Variants in MICAL3 observed in about 807,000 individuals in gnomAD.
MICAL3 encodes the protein microtubule associated monooxygenase, calponin and LIM domain containing 3.
In MICAL3, 62 loss-of-function variants were observed where a neutral mutation model predicts 207.4. The observed-to-expected ratio is 0.30, with a 90% CI of 0.24 to 0.37. The LOEUF (loss-of-function observed/expected upper bound fraction) is 0.37, where lower values mean the gene tolerates loss of function less well. Among genes scored for constraint, MICAL3 ranks in the 10% least tolerant of loss-of-function variants. The pLI, the probability that MICAL3 is intolerant of heterozygous loss-of-function variation, is 1.00. For synonymous variants in MICAL3, 1,077 were observed against 1,069.3 expected (o/e 1.01, Z -0.14); for missense variants, 2,368 against 2,635.6 (o/e 0.90, Z 2.22).
chr22:17,975,389 A>G (rs11089211), intron 1 of MICAL3, among the ~76,000 whole-genome samples: 7,328 of 152,088 alleles, frequency 0.048, 575 homozygotes, highest in African/African-American at 0.17. Flanking sequence ...CTCATACCCT[A>G]CTTGACTGAC....
chr22:17,861,408 A>G (rs1602077615), intron 19 of MICAL3: 4 of 985,448 alleles, frequency 4.1e-6, no homozygotes, highest in South Asian at 4.7e-5. Context: ...CTCCCCGTCC[A>G]TCTCTGGCCG....
At chr22:17,875,589 A>C in intron 16 of MICAL3, 1 of 1,395,592 alleles carries the variant, frequency 7.2e-7, no homozygotes, top group Non-Finnish European at 9.8e-7. Flanking sequence ...ACAAAAGTAA[A>C]GGAAATGTTA....
At chr22:17,994,423 C>T (rs979358527) in intron 1 of MICAL3, among the ~76,000 whole-genome samples, 4 of 152,228 alleles carry the variant, frequency 2.6e-5, no homozygotes, top group African/African-American at 7.2e-5. Context: ...CAGACTTCAA[C>T]TGGCAACAGA....
In MICAL3 at chr22:17,906,893, AAAAG is replaced by A. The variant is rs1288541976; in HGVS notation, c.-74-11_-74-8del. On this transcript the variant is annotated splice_region_variant and splice_polypyrimidine_tract_variant and intron_variant, in intron 1 of 31. Coordinates refer to ENST00000441493, the MANE Select transcript of MICAL3 (RefSeq NM_015241.3). ...CTGACACTGTCACGTTAATCTGACA[AAAAG>A]AAAGAAAAACGTGGTTAGCATTTCT... 3.7e-6 allele frequency: 5 copies of A among 1,345,756 alleles called. No individual in the cohort carries two copies. The African/African-American group carries it at 7.3e-5, about 20-fold the overall frequency. The allele number at this position is 1,345,756 out of a possible 1,614,324, so 83.4% of individuals were successfully genotyped here.
chr22:17,818,551 C>T lies in MICAL3; in HGVS notation c.4110G>A (p.Lys1370=). Residue 1370 remains lysine, a synonymous_variant, in exon 26 of 32, where the codon AAG becomes AAA. Transcript: ENST00000441493. ...PVSLKSYSVE[K]SPQDEGLHLL... is the part of the protein sequence containing the mutation. Reference sequence around the variant, plus strand: ...GGTGGAGTCCCTCATCCTGGGGGGACTTTTCAACGGAATAGGATTTGAGGG... The same window carrying T: ...GGTGGAGTCCCTCATCCTGGGGGGATTTTTCAACGGAATAGGATTTGAGGG... 6.2e-7 allele frequency: 1 copy of T among 1,613,554 alleles called. No homozygotes were observed. Among genetic ancestry groups the T allele is most frequent in the South Asian group, 1.1e-5 (1 of 91,080 alleles).
chr22:17,879,091 G>T (rs1929169954), intron 16 of MICAL3, among the ~76,000 whole-genome samples: 1 of 152,136 alleles, frequency 6.6e-6, no homozygotes, highest in African/African-American at 2.4e-5. Flanking sequence ...AGTCATTAAG[G>T]CCCTTTACAA....
chr22:18,023,644 T>C (rs1393753199), intron 1 of MICAL3, among the ~76,000 whole-genome samples: 3 of 152,238 alleles, frequency 2.0e-5, no homozygotes, highest in Non-Finnish European at 4.4e-5. Flanking sequence ...CAGGAGGGAA[T>C]GAACTTGGCC....
At position 17,818,201 on chromosome 22, in the gene MICAL3, G is replaced by T; in HGVS notation, c.4460C>A (p.Pro1487Gln). Residue 1487 changes from proline to glutamine, a missense_variant, in exon 26 of 32, where the codon CCG becomes CAG. Physicochemically the swap from Pro to Gln is moderately conservative, Grantham distance 76. This residue lies in a region of MICAL3 where 1,770 missense variants were observed against 1,863.2 expected (regional missense o/e 0.95). Coordinates refer to ENST00000441493, the MANE Select transcript of MICAL3 (RefSeq NM_015241.3). ...REAEPNASVV[P>Q]PPLPATWMRP... is the part of the protein sequence containing the mutation. ...CATCCAGGTGGCGGGCAAGGGCGGCGGGACCACCGAGGCATTGGGCTCGGC... is the reference window on the plus strand; with the variant it reads ...CATCCAGGTGGCGGGCAAGGGCGGCTGGACCACCGAGGCATTGGGCTCGGC... 1 of 1,556,538 alleles carries T rather than the reference G, an allele frequency of 6.4e-7. No homozygotes were observed. The highest frequency in any genetic ancestry group is 2.4e-5 in the East Asian group (1 of 42,246).
intron 6 of MICAL3, among the ~76,000 whole-genome samples, chr22:17,899,837 C>T (rs995553100): frequency 6.6e-6 from 1 of 152,022 alleles, no homozygotes; most frequent in Admixed American, 6.6e-5. Flanking sequence ...AAAAAAGAGG[C>T]TAACCTCTAA....
intron 17 of MICAL3, among the ~76,000 whole-genome samples, chr22:17,869,688 C>T (rs1349342676): frequency 1.3e-5 from 2 of 152,154 alleles, no homozygotes; most frequent in African/African-American, 4.8e-5. Flanking sequence ...TGGCAGCAGG[C>T]CTGGAGTCAC....
chr22:17,876,369 G>C (rs141101154), intron 16 of MICAL3: 39 of 152,458 alleles, frequency 2.6e-4, no homozygotes, highest in African/African-American at 8.9e-4. Flanking sequence ...AAAGCCCTCT[G>C]CTCCTCCAGC....
chr22:17,876,466 G>A (rs969274648), intron 16 of MICAL3: 1 of 152,382 alleles, frequency 6.6e-6, no homozygotes, highest in African/African-American at 2.4e-5. Flanking sequence ...CAGTTACCTG[G>A]TACTTCAACA....
At chr22:17,819,992 G>A (rs1921388292) in intron 25 of MICAL3, among the ~76,000 whole-genome samples, 1 of 147,028 alleles carries the variant, frequency 6.8e-6, no homozygotes, top group African/African-American at 2.5e-5. Context: ...AACAGGCTAG[G>A]TACAGTGGCT....
intron 1 of MICAL3, among the ~76,000 whole-genome samples, chr22:18,016,028 C>T (rs1209188817): frequency 6.6e-6 from 1 of 152,020 alleles, no homozygotes; most frequent in Admixed American, 6.6e-5. Flanking sequence ...GGATAAATTC[C>T]TGGGTCTGGT....
At chr22:17,861,651 C>T (rs1926525449) in intron 19 of MICAL3, 3 of 985,422 alleles carry the variant, frequency 3.0e-6, no homozygotes, top group African/African-American at 1.7e-5. Flanking sequence ...TTTCTAAAGT[C>T]ATGGTGGACA....
intron 1 of MICAL3, among the ~76,000 whole-genome samples, chr22:17,991,217 C>T (rs1340303874): frequency 1.3e-5 from 2 of 152,174 alleles, no homozygotes; most frequent in Non-Finnish European, 1.5e-5. Context: ...GCAGGCAGAG[C>T]CAGGAGCACC....
rs189454519 is a variant in MICAL3 at position 17,927,094 on chromosome 22, C to G, written c.-74-20208G>C. ...CCCATTAAACACTGGCTCCCCATTT[C>G]CCCTTCCTCAGCCCATGGTTGTCAC... On this transcript the variant is annotated intron_variant, in intron 1 of 31. Coordinates refer to ENST00000441493, the MANE Select transcript of MICAL3 (RefSeq NM_015241.3). Among the ~76,000 whole-genome samples the G allele has an allele frequency of 9.6e-4, 146 of 152,328 alleles. 1 individual carries two copies. Among genetic ancestry groups the G allele is most frequent in the Admixed American group, 8.0e-3 (123 of 15,300 alleles).
rs574333207 is a variant in MICAL3, at chr22:17,876,264, C to T, written c.2242-4241G>A. 14 of 152,340 alleles carry T rather than the reference C, an allele frequency of 9.2e-5. 1 individual carries two copies. The South Asian group carries it at 1.0e-3, about 11-fold the overall frequency. The allele number at this position is 152,340 out of a possible 1,614,324, so 9.4% of individuals were successfully genotyped here. On this transcript the variant is annotated intron_variant, in intron 16 of 31. Coordinates refer to ENST00000441493, the MANE Select transcript of MICAL3 (RefSeq NM_015241.3). Reference sequence around the variant, plus strand: ...AGTCCCCAGAGATTGAGGCAGTGACCGAAAGCTTTGGCAACCAATAACTGC... The same window carrying T: ...AGTCCCCAGAGATTGAGGCAGTGACTGAAAGCTTTGGCAACCAATAACTGC...
At chr22:17,970,697 G>C (rs933792732) in intron 1 of MICAL3, among the ~76,000 whole-genome samples, 15 of 152,150 alleles carry the variant, frequency 9.9e-5, no homozygotes, top group African/African-American at 3.6e-4. Flanking sequence ...ACAGGTCCTT[G>C]AATTGGGGTT....
Sources: gnomAD v4.1 joint callset for allele counts (sites outside exome capture counted in the v4.1 genomes callset) on GRCh38, gnomAD v4.1.1 for gene constraint, gnomAD v4.1.1 regional missense constraint, MANE v1.5 for transcripts, NCBI Gene and HGNC (gene_info 2026-07-23, HGNC 2026-07-21) for gene names.